Variants in MBP observed in about 807,000 individuals in gnomAD.
MBP encodes the protein Golli-MBP.
In MBP, 16 loss-of-function variants were observed where a neutral mutation model predicts 35.8. The ratio of observed to expected loss-of-function variants is 0.45; its 90% confidence interval spans 0.30 to 0.68. The LOEUF (loss-of-function observed/expected upper bound fraction) is 0.68. Ranked by LOEUF, MBP falls within the 30% of genes least tolerant of loss-of-function variation. The probability of loss-of-function intolerance (pLI) is 0.08; values close to 1 mark genes in which losing one functional copy is unlikely to be tolerated. For synonymous variants in MBP, 143 were observed against 159.6 expected (o/e 0.90, Z 0.78); for missense variants, 380 against 404.7 (o/e 0.94, Z 0.52).
intron 2 of MBP, among the ~76,000 whole-genome samples, chr18:77,073,832 C>G (rs531930181): frequency 6.6e-6 from 1 of 152,352 alleles, no homozygotes. Flanking sequence ...TGGGTGTATT[C>G]TCTTGCCTTC....
chr18:77,127,969 G>A (rs1029424167), intron 1 of MBP: 5 of 152,194 alleles, frequency 3.3e-5, no homozygotes, highest in Non-Finnish European at 1.5e-5. Context: ...TTCTGGAAAA[G>A]AGTTAGCAGT....
chr18:77,019,448 G>A (rs1443488068), intron 3 of MBP, among the ~76,000 whole-genome samples: 3 of 150,304 alleles, frequency 2.0e-5, no homozygotes, highest in Middle Eastern at 6.8e-3. Context: ...CTGGAGGGGG[G>A]CATCTACAAA....
At chr18:77,002,384 G>A (rs1452987514) in intron 4 of MBP, among the ~76,000 whole-genome samples, 3 of 152,186 alleles carry the variant, frequency 2.0e-5, no homozygotes, top group Non-Finnish European at 4.4e-5. Context: ...CTTTGTTAAT[G>A]TATCTCAATA....
chr18:77,003,268 C>A (rs1970736824), intron 4 of MBP: 2 of 152,208 alleles, frequency 1.3e-5, no homozygotes, highest in South Asian at 4.1e-4. Flanking sequence ...AACCAACCAA[C>A]CAACATATCT....
chr18:77,112,531 C>A (rs1976503242), intron 1 of MBP: 1 of 151,192 alleles, frequency 6.6e-6, no homozygotes, highest in African/African-American at 2.4e-5. Context: ...GGAGGAGGGT[C>A]AGATCCCTCT....
chr18:76,995,216 T>C (rs7239141), intron 4 of MBP, among the ~76,000 whole-genome samples: 2,871 of 152,312 alleles, frequency 0.019, 81 homozygotes, highest in African/African-American at 0.065. Flanking sequence ...AGACATACTA[T>C]GTTCATGAAT....
At chr18:77,039,539 C>A (rs1972900795) in intron 3 of MBP, among the ~76,000 whole-genome samples, 1 of 152,184 alleles carries the variant, frequency 6.6e-6, no homozygotes, top group Non-Finnish European at 1.5e-5. Context: ...TGGAGGAAGT[C>A]AGCCCTCTGG....
At position 76,980,035 on chromosome 18, in the gene MBP, G is replaced by A; in HGVS notation, c.*392C>T. On this transcript the variant is annotated 3_prime_UTR_variant, in exon 9 of 9. Coordinates refer to ENST00000355994, the MANE Select transcript of MBP (RefSeq NM_001025101.2). ...ACGTCCTCTCTGTCTCTGCAGCTGT[G>A]TGCCTCCATGGCAGTGACCAGCAAA... 1 of 702,514 alleles carries A rather than the reference G, an allele frequency of 1.4e-6. No homozygotes were observed. The highest frequency in any genetic ancestry group is 1.5e-5 in the South Asian group (1 of 67,600). The allele number at this position is 702,514 out of a possible 1,614,324, so 43.5% of individuals were successfully genotyped here.
intron 3 of MBP, among the ~76,000 whole-genome samples, chr18:77,047,561 G>A (rs558627196): frequency 3.3e-5 from 5 of 152,318 alleles, no homozygotes; most frequent in African/African-American, 1.2e-4. Context: ...GTTAGTTAAC[G>A]ATGGTTGCAC....
chr18:77,129,232 G>A (rs766608318), intron 1 of MBP, among the ~76,000 whole-genome samples: 3 of 152,162 alleles, frequency 2.0e-5, no homozygotes, highest in East Asian at 1.9e-4. Flanking sequence ...TCAGACCAAC[G>A]CAGTGCTATT....
Position 77,105,245 on chromosome 18 carries a change from C to T in MBP, c.17G>A (p.Gly6Asp). 1.2e-6 allele frequency: 2 copies of T among 1,612,424 alleles called. No individual in the cohort carries two copies. Among genetic ancestry groups the T allele is most frequent in the Non-Finnish European group, 1.7e-6 (2 of 1,178,866 alleles). Reference sequence around the variant, plus strand: ...CTTCTCGGCATTTAATTCTCGTTTGCCTGCGTGGTTTCCCATCCTGAATGG... The same window carrying T: ...CTTCTCGGCATTTAATTCTCGTTTGTCTGCGTGGTTTCCCATCCTGAATGG... MGNHAGKRELNAEKAS... is the reference protein window; with the variant it reads MGNHADKRELNAEKAS... The change falls in exon 2 of 9, where the codon GGC (glycine) becomes GAC (aspartate). Residue 6 changes from glycine (G) to aspartate (D), a missense_variant. Physicochemically the swap from Gly to Asp is moderately conservative, Grantham distance 94 (BLOSUM62 -1). Coordinates refer to ENST00000355994, the MANE Select transcript of MBP (RefSeq NM_001025101.2).
At chr18:77,090,882 G>A (rs762258426) in intron 2 of MBP, among the ~76,000 whole-genome samples, 7 of 152,154 alleles carry the variant, frequency 4.6e-5, no homozygotes, top group Non-Finnish European at 7.3e-5. Flanking sequence ...GAGAAGGGGC[G>A]ACCTCACACA....
rs1971404331 is a variant in MBP at position 77,012,388 on chromosome 18, C to T, written c.576+4444G>A. On this transcript the variant is annotated intron_variant, in intron 4 of 8. Coordinates refer to ENST00000355994, the MANE Select transcript of MBP (RefSeq NM_001025101.2). ...CAGTGGGATCTGCTCAGCGTCCACC[C>T]TCCCTAACATTTGCGGGATGATGCT... is the stretch of plus-strand genomic sequence containing the variant. Among the ~76,000 whole-genome samples, 8 of 152,358 alleles carry T rather than the reference C, an allele frequency of 5.3e-5. No homozygotes were observed. In the South Asian group the frequency reaches 1.7e-3, roughly 32 times the overall value.
chr18:76,988,113 C>T lies in MBP; in HGVS notation c.750+382G>A, dbSNP rs572163742. ...GGTCACTGAGACGGGCCAGCCAGTC[C>T]CACTTCCACATGCGGGTTCCTGGGG... On this transcript the variant is annotated intron_variant, in intron 7 of 8. Transcript: ENST00000355994. This position sits in a 1 kb window ranked among gnomAD's most constrained non-coding sequence, Gnocchi z 5.2. The T allele has an allele frequency of 8.7e-5, 132 of 1,515,580 alleles. No homozygotes were observed. Among genetic ancestry groups the T allele is most frequent in the Non-Finnish European group, 1.1e-4 (126 of 1,133,950 alleles). The allele number at this position is 1,515,580 out of a possible 1,614,324, so 93.9% of individuals were successfully genotyped here.
chr18:77,093,317 G>A (rs781266028), intron 2 of MBP: 1 of 152,532 alleles, frequency 6.6e-6, no homozygotes, highest in East Asian at 1.9e-4. Flanking sequence ...AAGGCGGCAT[G>A]AGGAGAGAGC....
At chr18:77,015,950 C>A in intron 4 of MBP, 1 of 985,370 alleles carries the variant, frequency 1.0e-6, no homozygotes, top group Non-Finnish European at 1.2e-6. Context: ...TGAGAACACC[C>A]AATAAACTAG....
chr18:77,083,410 A>G (rs142843661), intron 2 of MBP, among the ~76,000 whole-genome samples: 6 of 152,348 alleles, frequency 3.9e-5, no homozygotes, highest in Non-Finnish European at 7.3e-5. Context: ...ACAAATTTTG[A>G]TAGTATCAGA....
chr18:77,090,933 G>A (rs1285350703), intron 2 of MBP, among the ~76,000 whole-genome samples: 1 of 152,244 alleles, frequency 6.6e-6, no homozygotes, highest in African/African-American at 2.4e-5. Context: ...AAGAGTTCCC[G>A]TGCTGGCACA....
intron 1 of MBP, among the ~76,000 whole-genome samples, chr18:77,126,622 T>C (rs991165277): frequency 3.9e-5 from 6 of 152,188 alleles, no homozygotes; most frequent in African/African-American, 1.2e-4. Flanking sequence ...CATGATGATC[T>C]ACATAGACAA....
Sources: allele counts gnomAD v4.1 joint callset (sites outside exome capture counted in the v4.1 genomes callset), GRCh38; gene constraint gnomAD v4.1.1; non-coding constraint Gnocchi (gnomAD v3.1); transcripts MANE v1.5; gene names NCBI Gene and HGNC (gene_info 2026-07-23, HGNC 2026-07-21).